SLCO2A1: variants seen among roughly 807,000 people sequenced by gnomAD.
The protein encoded by SLCO2A1 is solute carrier organic anion transporter family member 2A1, also known as matrin F/G 1.
Under a neutral mutation model 71.7 loss-of-function variants are expected in SLCO2A1, and 60 were observed. That is an observed-to-expected ratio of 0.84 (90% CI 0.68 to 1.04). SLCO2A1 has a LOEUF of 1.04. Among genes scored for constraint, SLCO2A1 ranks in the 50% least tolerant of loss-of-function variants. SLCO2A1 has a pLI of 0.00. For synonymous variants in SLCO2A1, 308 were observed against 326.7 expected (o/e 0.94, Z 0.62); for missense variants, 745 against 813.4 (o/e 0.92, Z 1.02).
Position 134,011,829 on chromosome 3 carries a change from C to T in SLCO2A1, c.96+17878G>A, listed in dbSNP as rs578222380. 2.0e-5 allele frequency among the ~76,000 whole-genome samples: 3 copies of T among 152,298 alleles called. No individual in the cohort carries two copies. The East Asian group carries it at 5.8e-4, about 29-fold the overall frequency. ...TGAAGTCAATGACCTGTCTAGGATA[C>T]TCCATGAAAGCTTCCAAAGTTGCTG... On this transcript the variant is annotated intron_variant, in intron 1 of 13. Transcript: ENST00000310926.
intron 1 of SLCO2A1, among the ~76,000 whole-genome samples, chr3:133,984,889 C>T (rs546910852): frequency 6.6e-6 from 1 of 152,296 alleles, no homozygotes; most frequent in Non-Finnish European, 1.5e-5. Flanking sequence ...ACTGGGTCTC[C>T]TTGAGCAGCA....
chr3:134,006,394 C>T (rs564220878), intron 1 of SLCO2A1, among the ~76,000 whole-genome samples: 3 of 152,228 alleles, frequency 2.0e-5, no homozygotes, highest in African/African-American at 7.2e-5. Flanking sequence ...ACGTGTTGCG[C>T]GACCATCACC....
intron 1 of SLCO2A1, among the ~76,000 whole-genome samples, chr3:134,028,912 C>T (rs1935752996): frequency 2.0e-5 from 3 of 152,196 alleles, no homozygotes; most frequent in Admixed American, 1.3e-4. Flanking sequence ...AAAGCATTTC[C>T]GACCCCATGG....
intron 1 of SLCO2A1, among the ~76,000 whole-genome samples, chr3:134,015,870 AC>A (rs1935442991): frequency 1.3e-5 from 2 of 152,210 alleles, no homozygotes; most frequent in African/African-American, 4.8e-5. Context: ...ATAGATCCAC[AC>A]AAGTACAGCC....
At chr3:133,950,759 C>G (rs1933724250) in intron 6 of SLCO2A1, among the ~76,000 whole-genome samples, 1 of 152,196 alleles carries the variant, frequency 6.6e-6, no homozygotes, top group African/African-American at 2.4e-5. Context: ...GTCCTCTGCT[C>G]AAAATATGCT....
chr3:133,935,959 G>C, intron 12 of SLCO2A1, 62 bp from the exon 13 acceptor site: 1 of 1,448,376 alleles, frequency 6.9e-7, no homozygotes, highest in Non-Finnish European at 9.2e-7. Context: ...TCCAGCAGGG[G>C]TGTGGGAGCC....
intron 3 of SLCO2A1, among the ~76,000 whole-genome samples, chr3:133,955,640 C>T (rs1188753214): frequency 1.3e-5 from 2 of 152,120 alleles, no homozygotes; most frequent in East Asian, 3.9e-4. Flanking sequence ...GGGCTCTGGG[C>T]CCCCAGGGTT....
intron 10 of SLCO2A1, among the ~76,000 whole-genome samples, chr3:133,943,929 G>T (rs1054278015): frequency 2.6e-5 from 4 of 152,202 alleles, no homozygotes; most frequent in African/African-American, 9.6e-5. Context: ...AGGGAATAAG[G>T]CATGTTCCTA....
chr3:134,029,230 G>A (rs1221610720), intron 1 of SLCO2A1, among the ~76,000 whole-genome samples: 1 of 152,148 alleles, frequency 6.6e-6, no homozygotes, highest in Non-Finnish European at 1.5e-5. Context: ...ACCCACCCCA[G>A]GACGAGGGGG....
intron 1 of SLCO2A1, among the ~76,000 whole-genome samples, chr3:133,992,520 G>A (rs1288080049): frequency 6.6e-6 from 1 of 152,216 alleles, no homozygotes; most frequent in Non-Finnish European, 1.5e-5. Context: ...CTCAAGCCTG[G>A]AACTGTGGCC....
intron 1 of SLCO2A1, among the ~76,000 whole-genome samples, chr3:134,020,414 G>T (rs1283301506): frequency 6.6e-6 from 1 of 152,210 alleles, no homozygotes; most frequent in African/African-American, 2.4e-5. Context: ...AGCCTGCCCT[G>T]TGCAACATCT....
intron 1 of SLCO2A1, among the ~76,000 whole-genome samples, chr3:134,002,783 A>G (rs370073569): frequency 6.6e-6 from 1 of 152,222 alleles, no homozygotes. Flanking sequence ...ACCACCTTAG[A>G]CCCAAGTAGG....
intron 9 of SLCO2A1, among the ~76,000 whole-genome samples, chr3:133,947,004 A>G (rs1307702330): frequency 1.3e-5 from 2 of 151,972 alleles, no homozygotes; most frequent in African/African-American, 4.8e-5. Flanking sequence ...AATCCCAGCT[A>G]CTCGAGAGGC....
Position 133,973,814 on chromosome 3 carries a change from G to T in SLCO2A1, c.246C>A (p.Ala82=), listed in dbSNP as rs1934389646. Residue 82 remains alanine, a synonymous_variant, in exon 3 of 14, where the codon GCC becomes GCA. Transcript: ENST00000310926. The stretch of plus-strand genomic sequence containing the variant: ...AGTAGCTGACAAAGATGATGAGGAT[G>T]GCATTGCTGATCTGAGAAGAGAGCA... ...LISSLNEISN[A]ILIIFVSYFG... is the part of the protein sequence containing the mutation. The T allele has an allele frequency of 6.2e-7, 1 of 1,613,268 alleles. No individual in the cohort carries two copies. Among genetic ancestry groups the T allele is most frequent in the East Asian group, 2.2e-5 (1 of 44,842 alleles).
At chr3:133,966,781 C>T (rs893209953) in intron 3 of SLCO2A1, among the ~76,000 whole-genome samples, 2 of 152,360 alleles carry the variant, frequency 1.3e-5, no homozygotes, top group East Asian at 3.9e-4. Flanking sequence ...TTCAGGGCCA[C>T]AGGAGATGCC....
At chr3:133,975,455 G>A (rs868700773) in intron 2 of SLCO2A1, among the ~76,000 whole-genome samples, 2 of 152,070 alleles carry the variant, frequency 1.3e-5, no homozygotes, top group African/African-American at 2.4e-5. Context: ...GCCTCCTAAC[G>A]GGACCCTGCC....
chr3:134,010,865 C>T (rs907309055), intron 1 of SLCO2A1, among the ~76,000 whole-genome samples: 1 of 151,876 alleles, frequency 6.6e-6, no homozygotes, highest in Non-Finnish European at 1.5e-5. Flanking sequence ...GGTCCCTCCT[C>T]GGACATGTGG....
intron 3 of SLCO2A1, among the ~76,000 whole-genome samples, chr3:133,956,287 T>C (rs1206075073): frequency 1.3e-5 from 2 of 152,150 alleles, no homozygotes; most frequent in African/African-American, 4.8e-5. Flanking sequence ...CTGCCGGTGC[T>C]GTTGGGCTCA....
At chr3:133,995,967 G>A (rs928336591) in intron 1 of SLCO2A1, among the ~76,000 whole-genome samples, 6 of 152,062 alleles carry the variant, frequency 3.9e-5, no homozygotes, top group African/African-American at 1.4e-4. Context: ...GACATTTTAG[G>A]GCCAGCTCCA....
Sources: gnomAD v4.1 joint callset for allele counts (sites outside exome capture counted in the v4.1 genomes callset) on GRCh38, gnomAD v4.1.1 for gene constraint, MANE v1.5 for transcripts, NCBI Gene and HGNC (gene_info 2026-07-23, HGNC 2026-07-21) for gene names.